The following TAFA1 variants were observed in gnomAD, a reference collection of about 807,000 sequenced individuals.
TAFA1 encodes chemokine-like protein TAFA-1.
Under a neutral mutation model 18.5 loss-of-function variants are expected in TAFA1, and 4 were observed. The ratio of observed to expected loss-of-function variants is 0.22; its 90% confidence interval spans 0.11 to 0.49. The LOEUF (loss-of-function observed/expected upper bound fraction) is 0.49. Ranked by LOEUF, TAFA1 falls within the 20% of genes least tolerant of loss-of-function variation. The pLI, the probability that TAFA1 is intolerant of heterozygous loss-of-function variation, is 0.98. For missense variants in TAFA1, 147 were observed against 169.0 expected, an observed-to-expected ratio of 0.87 and a Z score of 0.72; for synonymous variants, 56 against 55.2, an observed-to-expected ratio of 1.01 and a Z score of -0.06.
At chr3:68,481,280 C>T (rs574585254) in intron 3 of TAFA1, among the ~76,000 whole-genome samples, 110 of 152,290 alleles carry the variant, frequency 7.2e-4, no homozygotes, top group African/African-American at 2.6e-3. Context: ...TTATCTGGCA[C>T]CACCAGGGAG....
At chr3:68,215,784 A>G (rs1423297509) in intron 2 of TAFA1, among the ~76,000 whole-genome samples, 4 of 152,030 alleles carry the variant, frequency 2.6e-5, no homozygotes, top group Non-Finnish European at 5.9e-5. Context: ...ATCTTACCCT[A>G]TGATCCAGCA....
chr3:68,459,479 G>A (rs2071733056), intron 3 of TAFA1, among the ~76,000 whole-genome samples: 1 of 92,332 alleles, frequency 1.1e-5, no homozygotes, highest in Non-Finnish European at 2.1e-5. Context: ...TTTTTGTTCT[G>A]TTTTTTAACG....
At chr3:68,032,798 G>T (rs540311126) in intron 2 of TAFA1, among the ~76,000 whole-genome samples, 1 of 152,204 alleles carries the variant, frequency 6.6e-6, no homozygotes, top group South Asian at 2.1e-4. Flanking sequence ...AAAACAAAAA[G>T]ATCTTCCTTA....
chr3:68,221,149 G>A (rs1381751282), intron 2 of TAFA1, among the ~76,000 whole-genome samples: 1 of 152,196 alleles, frequency 6.6e-6, no homozygotes, highest in Non-Finnish European at 1.5e-5. Context: ...GGTGCAGGAA[G>A]TGGCCTGTAG....
At chr3:68,410,207 C>G (rs752080559) in intron 2 of TAFA1, among the ~76,000 whole-genome samples, 1 of 152,072 alleles carries the variant, frequency 6.6e-6, no homozygotes, top group Non-Finnish European at 1.5e-5. Flanking sequence ...AGGGCTCTAA[C>G]AAACCCAAGA....
intron 2 of TAFA1, among the ~76,000 whole-genome samples, chr3:68,141,299 C>G (rs145895107): frequency 6.6e-6 from 1 of 152,170 alleles, no homozygotes; most frequent in Non-Finnish European, 1.5e-5. Flanking sequence ...ATATACCTCA[C>G]AAGAATCTCC....
At chr3:68,103,313 A>G (rs550995663) in intron 2 of TAFA1, among the ~76,000 whole-genome samples, 23 of 152,346 alleles carry the variant, frequency 1.5e-4, no homozygotes, top group South Asian at 1.5e-3. Flanking sequence ...CTGACCCAAC[A>G]TATTTGAGGA....
chr3:68,468,175 T>C (rs1458501488), intron 3 of TAFA1, among the ~76,000 whole-genome samples: 3 of 152,174 alleles, frequency 2.0e-5, no homozygotes, highest in Non-Finnish European at 4.4e-5. Flanking sequence ...TTTTGACTAT[T>C]TTAAGGATAT....
At chr3:68,279,170 C>G (rs1482000682) in intron 2 of TAFA1, among the ~76,000 whole-genome samples, 1 of 152,154 alleles carries the variant, frequency 6.6e-6, no homozygotes, top group East Asian at 1.9e-4. Flanking sequence ...AATATCATTA[C>G]ATAGACTAGA....
chr3:68,419,558 T>A (rs1005094731), intron 3 of TAFA1, among the ~76,000 whole-genome samples: 2 of 152,206 alleles, frequency 1.3e-5, no homozygotes, highest in African/African-American at 4.8e-5. Context: ...TTTCATAATT[T>A]AGAGCTGGGT....
At chr3:68,043,186 C>G (rs1008424883) in intron 2 of TAFA1, among the ~76,000 whole-genome samples, 39 of 152,078 alleles carry the variant, frequency 2.6e-4, no homozygotes, top group African/African-American at 9.2e-4. Flanking sequence ...TTATGCCATT[C>G]TGAGTTTGTA....
At chr3:68,414,451 T>C (rs900172917) in intron 2 of TAFA1, among the ~76,000 whole-genome samples, 5 of 152,110 alleles carry the variant, frequency 3.3e-5, no homozygotes, top group Non-Finnish European at 4.4e-5. Context: ...GCACAACCAC[T>C]TGTGAAAAGA....
At chr3:68,376,957 C>T (rs970137197) in intron 2 of TAFA1, among the ~76,000 whole-genome samples, 4 of 152,120 alleles carry the variant, frequency 2.6e-5, no homozygotes, top group African/African-American at 9.7e-5. Flanking sequence ...TTCACATGCT[C>T]CTCTCTCTTC....
At chr3:68,311,862 G>A (rs2068525751) in intron 2 of TAFA1, among the ~76,000 whole-genome samples, 1 of 152,142 alleles carries the variant, frequency 6.6e-6, no homozygotes, top group Non-Finnish European at 1.5e-5. Flanking sequence ...GTGGAGCTGT[G>A]ACCCTACATT....
intron 2 of TAFA1, among the ~76,000 whole-genome samples, chr3:68,152,998 G>A (rs1441285692): frequency 6.6e-6 from 1 of 152,094 alleles, no homozygotes; most frequent in Non-Finnish European, 1.5e-5. Context: ...AGTAAGGGAG[G>A]CTTGGTCCCC....
chr3:68,051,313 A>G (rs900748448), intron 2 of TAFA1, among the ~76,000 whole-genome samples: 2 of 152,284 alleles, frequency 1.3e-5, no homozygotes, highest in African/African-American at 4.8e-5. Flanking sequence ...AAAAGACAAC[A>G]GAATAGTTCT....
At chr3:68,184,777 A>G (rs1233676880) in intron 2 of TAFA1, among the ~76,000 whole-genome samples, 1 of 152,164 alleles carries the variant, frequency 6.6e-6, no homozygotes, top group Non-Finnish European at 1.5e-5. Context: ...TGCCATATGT[A>G]TAGATTTAAT....
intron 2 of TAFA1, among the ~76,000 whole-genome samples, chr3:68,398,265 C>T (rs1265340883): frequency 6.6e-6 from 1 of 152,058 alleles, no homozygotes; most frequent in Non-Finnish European, 1.5e-5. Flanking sequence ...GAAATAATAC[C>T]ATACATCTAC....
intron 2 of TAFA1, among the ~76,000 whole-genome samples, chr3:68,380,283 A>C (rs2069913915): frequency 6.6e-6 from 1 of 152,198 alleles, no homozygotes; most frequent in Non-Finnish European, 1.5e-5. Context: ...GTATATACGC[A>C]GTAATGGGAT....
Sources: gnomAD v4.1 joint callset for allele counts (sites outside exome capture counted in the v4.1 genomes callset) on GRCh38, gnomAD v4.1.1 for gene constraint, MANE v1.5 for transcripts, NCBI Gene and HGNC (gene_info 2026-07-23, HGNC 2026-07-21) for gene names.